PCDHA8: variants seen among roughly 807,000 people sequenced by gnomAD.
The protein encoded by PCDHA8 is protocadherin alpha 8, also known as protocadherin alpha-8.
A neutral mutation model predicts 61.8 loss-of-function variants in PCDHA8; 53 were observed. The ratio of observed to expected loss-of-function variants is 0.86; its 90% CI spans 0.69 to 1.08. The LOEUF is 1.08. Ranked by LOEUF, PCDHA8 falls within the 50% of genes least tolerant of loss-of-function variation. The pLI is 0.00. For synonymous variants in PCDHA8, 618 were observed against 556.6 expected, an observed-to-expected ratio of 1.11 and a Z score of -1.55; for missense variants, 1,293 against 1,245.0, an observed-to-expected ratio of 1.04 and a Z score of -0.58.
Position 140,842,826 on chromosome 5 carries a change from G to T in PCDHA8, c.1505G>T (p.Arg502Leu), listed in dbSNP as rs782132633. The change falls in exon 1 of 4, where the codon CGC becomes CTC. Residue 502 changes from arginine to leucine, a missense_variant. By Grantham distance (102) the Arg-to-Leu change is moderately radical (BLOSUM62 -2). Coordinates refer to ENST00000531613, the MANE Select transcript of PCDHA8 (RefSeq NM_018911.3). ...CTTGTGGAGCGGCGGGTGGGCGAGC[G>T]CTCGCTGTCGAGCTACATTTCGGTG... ...YSLVERRVGE[R>L]SLSSYISVHT... 3.8e-6 allele frequency: 6 copies of T among 1,593,690 alleles called. 1 individual carries two copies. The highest frequency in any genetic ancestry group is 5.1e-6 in the Non-Finnish European group (6 of 1,165,318).
chr5:140,933,333 A>G (rs1215342457), intron 1 of PCDHA8, among the ~76,000 whole-genome samples: 1 of 152,032 alleles, frequency 6.6e-6, no homozygotes, highest in Non-Finnish European at 1.5e-5. Flanking sequence ...TGTGCTGTAG[A>G]GAAAGATAAA....
intron 1 of PCDHA8, among the ~76,000 whole-genome samples, chr5:140,855,081 C>T (rs868991206): frequency 6.7e-6 from 1 of 149,844 alleles, no homozygotes; most frequent in Non-Finnish European, 1.5e-5. Context: ...GAAACCACCA[C>T]TCTCAGCCTG....
intron 1 of PCDHA8, chr5:140,860,992 T>C (rs173699): frequency 1 from 152,392 of 152,392 alleles, 76,196 homozygotes; most frequent in Non-Finnish European, 1. Context: ...CGGCCTCGGC[T>C]TCCCAAAGTG....
At chr5:140,874,496 T>A (rs1352627184) in intron 1 of PCDHA8, among the ~76,000 whole-genome samples, 1 of 152,214 alleles carries the variant, frequency 6.6e-6, no homozygotes, top group Non-Finnish European at 1.5e-5. Context: ...TGATATCAAG[T>A]TCACATTCTC....
At chr5:140,858,085 G>A (rs782551513) in intron 1 of PCDHA8, 1 of 1,597,828 alleles carries the variant, frequency 6.3e-7, no homozygotes, top group Non-Finnish European at 8.6e-7. Context: ...AGGCCTCGTC[G>A]CGGGCTTCAG....
intron 3 of PCDHA8, among the ~76,000 whole-genome samples, chr5:140,992,293 G>A (rs1043574685): frequency 1.3e-5 from 2 of 152,136 alleles, no homozygotes; most frequent in African/African-American, 2.4e-5. Flanking sequence ...GCAAAGGATG[G>A]GAGTATTGTT....
At chr5:140,928,397 C>T in intron 1 of PCDHA8, 1 of 1,614,082 alleles carries the variant, frequency 6.2e-7, no homozygotes, top group East Asian at 2.2e-5. Context: ...GCAGTGGAAT[C>T]ATCCAGTGGG....
rs965761415 is a variant in PCDHA8, at chr5:140,845,214, T to C, written c.2394+1499T>C. 9.4e-5 allele frequency among the ~76,000 whole-genome samples: 14 copies of C among 149,518 alleles called. 1 individual carries two copies. The highest frequency in any genetic ancestry group is 1.3e-4 in the Non-Finnish European group (9 of 66,830). On this transcript the variant is annotated intron_variant, in intron 1 of 3. Coordinates refer to ENST00000531613, the MANE Select transcript of PCDHA8 (RefSeq NM_018911.3). ...ATGATTGTTTTCATTTAAGTCCTTT[T>C]AAAAAATATGATTATCTTTATTATC... is the stretch of plus-strand genomic sequence containing the variant.
chr5:140,915,077 C>G (rs2076970768), intron 1 of PCDHA8, among the ~76,000 whole-genome samples: 1 of 151,656 alleles, frequency 6.6e-6, no homozygotes. Flanking sequence ...TACTGAGTAG[C>G]TGGGACTATG....
chr5:140,884,335 A>G, intron 1 of PCDHA8: 1 of 1,613,888 alleles, frequency 6.2e-7, no homozygotes, highest in Non-Finnish European at 8.5e-7. Flanking sequence ...CTGTGGGTCC[A>G]GAAGCGGCGC....
chr5:140,869,936 C>T (rs1554163630), intron 1 of PCDHA8: 1 of 1,611,844 alleles, frequency 6.2e-7, no homozygotes, highest in South Asian at 1.1e-5. Flanking sequence ...GGAGAGGTAA[C>T]ATACTCCTTA....
chr5:140,945,909 TC>T (rs1440194990), intron 1 of PCDHA8, among the ~76,000 whole-genome samples: 3 of 151,962 alleles, frequency 2.0e-5, no homozygotes, highest in African/African-American at 7.2e-5. Context: ...AGATGAAAGA[TC>T]AATAACACTG....
Position 140,842,965 on chromosome 5 carries a change from C to G in PCDHA8, c.1644C>G (p.Asn548Lys). The change falls in exon 1 of 4, where the codon AAC becomes AAG. Residue 548 changes from asparagine to lysine, a missense_variant. Coordinates refer to ENST00000531613, the MANE Select transcript of PCDHA8 (RefSeq NM_018911.3). ...RDAGVPPLGS[N>K]VTLQVFVLDE... is the part of the protein sequence containing the mutation. ...CGGGCGTGCCGCCTCTGGGCAGCAA[C>G]GTGACGCTGCAGGTGTTCGTGCTGG... 1.3e-6 allele frequency: 2 copies of G among 1,594,984 alleles called. No individual in the cohort carries two copies. Among genetic ancestry groups the G allele is most frequent in the Non-Finnish European group, 1.7e-6 (2 of 1,165,492 alleles).
At chr5:140,926,519 C>T (rs2083298131) in intron 1 of PCDHA8, 1 of 204,364 alleles carries the variant, frequency 4.9e-6, no homozygotes, top group Non-Finnish European at 9.7e-6. Flanking sequence ...AGGCTCCGCC[C>T]TGCGCCCGCA....
intron 1 of PCDHA8, chr5:140,850,578 G>T: frequency 6.3e-7 from 1 of 1,598,460 alleles, no homozygotes; most frequent in Non-Finnish European, 8.6e-7. Context: ...GACGCTGGTG[G>T]ATGTCAACGT....
In PCDHA8 at chr5:140,946,631, T is replaced by TATAC. The variant is rs57893927; in HGVS notation, c.2395-32317_2395-32316insTACA. ...TGTGAAATATATATATATATATATA[T>TATAC]ACAATGGAATACTCATCAGCCATTA... On this transcript the variant is annotated intron_variant, in intron 1 of 3. Transcript: ENST00000531613. 2.4e-4 allele frequency among the ~76,000 whole-genome samples: 32 copies of TATAC among 131,838 alleles called. 1 individual carries two copies. The highest frequency in any genetic ancestry group is 4.2e-4 in the African/African-American group (12 of 28,706). 86.5% of individuals were successfully genotyped at this position (131,838 alleles called of 152,430 possible).
chr5:140,969,424 G>A (rs1554231783), intron 1 of PCDHA8: 1 of 1,558,342 alleles, frequency 6.4e-7, no homozygotes, highest in South Asian at 1.2e-5. Context: ...GTCATTAACA[G>A]TGACAAGAGT....
At chr5:140,924,318 G>A (rs550515387) in intron 1 of PCDHA8, among the ~76,000 whole-genome samples, 1 of 152,164 alleles carries the variant, frequency 6.6e-6, no homozygotes, top group East Asian at 1.9e-4. Context: ...AATTTTATCT[G>A]AGACTTGGTG....
At chr5:140,883,113 G>A in intron 1 of PCDHA8, 2 of 1,614,086 alleles carry the variant, frequency 1.2e-6, no homozygotes, top group Non-Finnish European at 1.7e-6. Context: ...TACTCATTTA[G>A]AAGGCCTGTA....
Sources: gnomAD v4.1 joint callset for allele counts (sites outside exome capture counted in the v4.1 genomes callset) on GRCh38, gnomAD v4.1.1 for gene constraint, MANE v1.5 for transcripts, NCBI Gene and HGNC (gene_info 2026-07-23, HGNC 2026-07-21) for gene names.